ELF3: variants seen among roughly 807,000 people sequenced by gnomAD.
The protein encoded by ELF3 is E74 like ETS transcription factor 3.
ELF3 carries 18 observed loss-of-function variants against 43.9 expected under a neutral mutation model. The observed-to-expected ratio is 0.41, with a 90% CI of 0.28 to 0.61. ELF3 has a LOEUF of 0.61. Among genes scored for constraint, ELF3 ranks in the 20% least tolerant of loss-of-function variants. ELF3 has a pLI of 0.30. For missense variants in ELF3, 373 were observed against 487.7 expected, an observed-to-expected ratio of 0.76 and a Z score of 2.21; for synonymous variants, 181 against 190.2, an observed-to-expected ratio of 0.95 and a Z score of 0.40.
chr1:202,013,371 A>T lies in ELF3; in HGVS notation c.805+73A>T. 4.1e-6 allele frequency: 6 copies of T among 1,476,508 alleles called. No individual in the cohort carries two copies. Among genetic ancestry groups the T allele is most frequent in the Non-Finnish European group, 5.6e-6 (6 of 1,068,336 alleles). The allele number at this position is 1,476,508 out of a possible 1,614,324, so 91.5% of individuals were successfully genotyped here. ...TTCCTGGGGCACTGCGGGTTGTTGC[A>T]GGTATCCCTTCTCCCGTTTTCTCTG... On this transcript the variant is annotated intron_variant, in intron 7 of 8. Coordinates refer to ENST00000367284, the MANE Select transcript of ELF3 (RefSeq NM_004433.5). This position sits in a 1 kb window ranked among gnomAD's most constrained non-coding sequence, Gnocchi z 5.7.
chr1:202,015,350 C>G lies in ELF3; in HGVS notation c.*27C>G. 6.2e-7 allele frequency: 1 copy of G among 1,611,562 alleles called. No homozygotes were observed. Among genetic ancestry groups the G allele is most frequent in the Non-Finnish European group, 8.5e-7 (1 of 1,178,378 alleles). ...GGTTGGAACTATACCCGGGACCAAA[C>G]TCACGGACCACTCGAGGCCTGCAAA... On this transcript the variant is annotated 3_prime_UTR_variant, in exon 9 of 9. Coordinates refer to ENST00000367284, the MANE Select transcript of ELF3 (RefSeq NM_004433.5).
Position 202,010,859 on chromosome 1 carries a change from C to T in ELF3, c.-9+153C>T. On this transcript the variant is annotated intron_variant, in intron 1 of 8. Transcript: ENST00000367284. This position sits in a 1 kb window ranked among gnomAD's most constrained non-coding sequence, Gnocchi z 4.3. ...GGGTCAAAGAACAGAGAGAGATTGT[C>T]TCTGGGAAGGCAGAATGGCCATGAC... The T allele has an allele frequency of 2.2e-6, 1 of 446,836 alleles. No individual in the cohort carries two copies. Among genetic ancestry groups the T allele is most frequent in the Non-Finnish European group, 4.0e-6 (1 of 247,136 alleles). The allele number at this position is 446,836 out of a possible 1,614,324, so 27.7% of individuals were successfully genotyped here. A position where few individuals can be genotyped will look rare whatever the true frequency, so the allele number is the denominator to read the frequency against.
In ELF3 at chr1:202,012,665, G is replaced by A. The variant is rs145259274; in HGVS notation, c.504G>A (p.Glu168=). 23 of 1,608,520 alleles carry A rather than the reference G, an allele frequency of 1.4e-5. No homozygotes were observed. The highest frequency in any genetic ancestry group is 3.3e-5 in the South Asian group (3 of 90,476). Residue 168 remains glutamate (E), a synonymous_variant, in exon 5 of 9, where the codon GAG becomes GAA. Transcript: ENST00000367284. This position sits in a 1 kb window ranked among gnomAD's most constrained non-coding sequence, Gnocchi z 4.2. ...PFDQGSPFAQ[E]LLDDGQQASP... is the part of the protein sequence containing the mutation. ...ACCAGGGCAGCCCCTTTGCCCAGGA[G>A]CTGCTGGACGACGGTCAGCAAGCCA...
In ELF3 at chr1:202,010,620, C is replaced by A. The variant is rs948137380; in HGVS notation, c.-95C>A. 1.3e-5 allele frequency: 2 copies of A among 157,390 alleles called. No homozygotes were observed. Among genetic ancestry groups the A allele is most frequent in the Non-Finnish European group, 1.4e-5 (1 of 71,088 alleles). 9.7% of individuals were successfully genotyped at this position (157,390 alleles called of 1,614,324 possible). Reference sequence around the variant, plus strand: ...TTTAGAGCCGGGTAGGGGAGCGCAGCGGCCAGATACCTCAGCGCTACCTGG... The same window carrying A: ...TTTAGAGCCGGGTAGGGGAGCGCAGAGGCCAGATACCTCAGCGCTACCTGG... On this transcript the variant is annotated 5_prime_UTR_variant, in exon 1 of 9. Coordinates refer to ENST00000367284, the MANE Select transcript of ELF3 (RefSeq NM_004433.5). The surrounding 1 kb of genome is among the most constrained non-coding windows in gnomAD (Gnocchi z 4.3).
Position 202,013,353 on chromosome 1 carries a change from G to A in ELF3, c.805+55G>A, listed in dbSNP as rs1684251114. 5 of 1,558,764 alleles carry A rather than the reference G, an allele frequency of 3.2e-6. No homozygotes were observed. The highest frequency in any genetic ancestry group is 3.5e-5 in the Admixed American group (2 of 57,382). On this transcript the variant is annotated intron_variant, in intron 7 of 8. Transcript: ENST00000367284. The surrounding 1 kb of genome is among the most constrained non-coding windows in gnomAD (Gnocchi z 5.7). ...TGCGCCGGGCTGAGCGGCTTCCTGGGGCACTGCGGGTTGTTGCAGGTATCC... is the reference window on the plus strand; with the variant it reads ...TGCGCCGGGCTGAGCGGCTTCCTGGAGCACTGCGGGTTGTTGCAGGTATCC...
At position 202,015,739 on chromosome 1, in the gene ELF3, G is replaced by A. The variant is rs41305082; in HGVS notation, c.*416G>A. The A allele has an allele frequency of 5.1e-5, 10 of 197,768 alleles. No homozygotes were observed. The highest frequency in any genetic ancestry group is 9.6e-5 in the Non-Finnish European group (9 of 93,898). 12.3% of individuals were successfully genotyped at this position (197,768 alleles called of 1,614,324 possible). A position where few individuals can be genotyped will look rare whatever the true frequency, so the allele number is the denominator to read the frequency against. ...GCTCCAGCACCTTCTTTCTGGACTG[G>A]CGTTCACCTCCCTGCTCAGTGCTTG... is the stretch of plus-strand genomic sequence containing the variant. On this transcript the variant is annotated 3_prime_UTR_variant, in exon 9 of 9. Coordinates refer to ENST00000367284, the MANE Select transcript of ELF3 (RefSeq NM_004433.5).
rs193156246 is a variant in ELF3, at chr1:202,014,045, C to T, written c.1001+21C>T. The stretch of plus-strand genomic sequence containing the variant: ...ATGAGGTGAGCTGGCGGCCAGGACC[C>T]TCACGATACAGCCGGACATGGGGAC... On this transcript the variant is annotated intron_variant, in intron 8 of 8. Transcript: ENST00000367284. The T allele has an allele frequency of 2.2e-4, 357 of 1,595,334 alleles. 2 individuals are homozygous for T. In the Middle Eastern group the frequency reaches 2.5e-3, roughly 11 times the overall value.
In ELF3 at chr1:202,013,297, C is replaced by T. The variant is rs762437681; in HGVS notation, c.804C>T (p.His268=). Residue 268 remains histidine, a splice_region_variant and synonymous_variant, in exon 7 of 9, where the codon CAC becomes CAT. Coordinates refer to ENST00000367284, the MANE Select transcript of ELF3 (RefSeq NM_004433.5). This position sits in a 1 kb window ranked among gnomAD's most constrained non-coding sequence, Gnocchi z 5.7. Reference sequence around the variant, plus strand: ...GTCTCGAGGGCAAGAAGAGCAAGCACGGTGAGCTCCGGGGGCACGTGGGTC... The same window carrying T: ...GTCTCGAGGGCAAGAAGAGCAAGCATGGTGAGCTCCGGGGGCACGTGGGTC... ...WDCLEGKKSK[H]APRGTHLWEF... 9.3e-6 allele frequency: 15 copies of T among 1,613,136 alleles called. No individual in the cohort carries two copies. The East Asian group carries it at 1.1e-4, about 12-fold the overall frequency.
chr1:202,012,915 G>C lies in ELF3; in HGVS notation c.599-32G>C, dbSNP rs557061053. The stretch of plus-strand genomic sequence containing the variant: ...AGCGTGGTTGAGCAGAGGGTGGGCC[G>C]GCAGGGGACTTACTCTGACCCCGCC... On this transcript the variant is annotated intron_variant, in intron 5 of 8. Transcript: ENST00000367284. The surrounding 1 kb of genome is among the most constrained non-coding windows in gnomAD (Gnocchi z 4.2). 3.1e-6 allele frequency: 5 copies of C among 1,588,548 alleles called. No homozygotes were observed. Among genetic ancestry groups the C allele is most frequent in the Middle Eastern group, 1.8e-4 (1 of 5,638 alleles).
At position 202,012,223 on chromosome 1, in the gene ELF3, A is replaced by G. The variant is rs371648654; in HGVS notation, c.385+45A>G. The G allele has an allele frequency of 9.3e-5, 149 of 1,607,124 alleles. No individual in the cohort carries two copies. Among genetic ancestry groups the G allele is most frequent in the Middle Eastern group, 3.8e-4 (2 of 5,274 alleles). ...GGCTGGGGAGCAGCTCCACATGTTG[A>G]GCTGAGTCGAGTTCAGTGTGGCCGT... On this transcript the variant is annotated intron_variant, in intron 3 of 8. Transcript: ENST00000367284. This position sits in a 1 kb window ranked among gnomAD's most constrained non-coding sequence, Gnocchi z 4.2.
chr1:202,013,781 G>A lies in ELF3; in HGVS notation c.806-48G>A, dbSNP rs1421137629. 10 of 1,571,320 alleles carry A rather than the reference G, an allele frequency of 6.4e-6. No individual in the cohort carries two copies. The highest frequency in any genetic ancestry group is 1.4e-5 in the African/African-American group (1 of 74,032). On this transcript the variant is annotated intron_variant, in intron 7 of 8. Transcript: ENST00000367284. The surrounding 1 kb of genome is among the most constrained non-coding windows in gnomAD (Gnocchi z 5.7). ...GGCGGGCAGGGCTGGCTGGCCTTGG[G>A]TGAGAGGGGACACCTGGATGGCAAA...
In ELF3 at chr1:202,012,095, C is replaced by T; in HGVS notation, c.302C>T (p.Thr101Ile). The T allele has an allele frequency of 6.2e-7, 1 of 1,614,166 alleles. No homozygotes were observed. The highest frequency in any genetic ancestry group is 8.5e-7 in the Non-Finnish European group (1 of 1,180,046). Residue 101 changes from threonine (T) to isoleucine (I), a missense_variant, in exon 3 of 9, where the codon ACC (threonine) becomes ATC (isoleucine). Around this residue, in one of 3 missense-constraint regions of ELF3, gnomAD observed 311 missense variants for 351.2 expected, o/e 0.89. Transcript: ENST00000367284. The surrounding 1 kb of genome is among the most constrained non-coding windows in gnomAD (Gnocchi z 4.2). The stretch of plus-strand genomic sequence containing the variant: ...TCACGATGTGACATGGATGGCGCCA[C>T]CCTCTGCAATTGTGCCCTTGAGGAG... Reference protein sequence around the residue: ...DFSRCDMDGATLCNCALEELR... With the variant: ...DFSRCDMDGAILCNCALEELR...
chr1:202,014,172 A>G (rs2102994234), intron 8 of ELF3, 148 bp downstream of exon 8: 1 of 933,356 alleles, frequency 1.1e-6, no homozygotes, highest in African/African-American at 1.7e-5. Context: ...GGTCTACTTC[A>G]TGGATTAAAT....
chr1:202,010,845 C>T lies in ELF3; in HGVS notation c.-9+139C>T. Reference sequence around the variant, plus strand: ...CGTAGGTGTCCTGAGGGTCAAAGAACAGAGAGAGATTGTCTCTGGGAAGGC... The same window carrying T: ...CGTAGGTGTCCTGAGGGTCAAAGAATAGAGAGAGATTGTCTCTGGGAAGGC... On this transcript the variant is annotated intron_variant, in intron 1 of 8. Coordinates refer to ENST00000367284, the MANE Select transcript of ELF3 (RefSeq NM_004433.5). The surrounding 1 kb of genome is among the most constrained non-coding windows in gnomAD (Gnocchi z 4.3). 2.4e-6 allele frequency: 1 copy of T among 409,376 alleles called. No homozygotes were observed. The highest frequency in any genetic ancestry group is 2.6e-5 in the South Asian group (1 of 39,040). 25.4% of individuals were successfully genotyped at this position (409,376 alleles called of 1,614,324 possible). A position where few individuals can be genotyped will look rare whatever the true frequency, so the allele number is the denominator to read the frequency against.
At position 202,013,330 on chromosome 1, in the gene ELF3, C is replaced by A. The variant is rs767386309; in HGVS notation, c.805+32C>A. ...TCCGGGGGCACGTGGGTCCTCCCTG[C>A]GCCGGGCTGAGCGGCTTCCTGGGGC... On this transcript the variant is annotated intron_variant, in intron 7 of 8. Transcript: ENST00000367284. The surrounding 1 kb of genome is among the most constrained non-coding windows in gnomAD (Gnocchi z 5.7). The A allele has an allele frequency of 1.2e-6, 2 of 1,601,342 alleles. No individual in the cohort carries two copies. Among genetic ancestry groups the A allele is most frequent in the African/African-American group, 1.3e-5 (1 of 74,644 alleles).
Position 202,012,703 on chromosome 1 carries a change from C to G in ELF3, c.542C>G (p.Pro181Arg), listed in dbSNP as rs767015572. The part of the protein sequence containing the change: ...DDGQQASPYH[P>R]GSCGAGAPSP... The stretch of plus-strand genomic sequence containing the variant: ...GGTCAGCAAGCCAGCCCCTACCACC[C>G]CGGCAGCTGTGGCGCAGGAGCCCCC... Residue 181 changes from proline to arginine, a missense_variant, in exon 5 of 9, where the codon CCC becomes CGC. Physicochemically the swap from Pro to Arg is moderately radical, Grantham distance 103 (BLOSUM62 -2). Around this residue, in one of 3 missense-constraint regions of ELF3, gnomAD observed 311 missense variants for 351.2 expected, o/e 0.89. Transcript: ENST00000367284. This position sits in a 1 kb window ranked among gnomAD's most constrained non-coding sequence, Gnocchi z 4.2. The G allele has an allele frequency of 1.2e-6, 2 of 1,608,230 alleles. No homozygotes were observed. The highest frequency in any genetic ancestry group is 2.2e-5 in the South Asian group (2 of 90,548).
Position 202,012,779 on chromosome 1 carries a change from C to T in ELF3, c.598+20C>T, listed in dbSNP as rs1267169717. On this transcript the variant is annotated intron_variant, in intron 5 of 8. Coordinates refer to ENST00000367284, the MANE Select transcript of ELF3 (RefSeq NM_004433.5). This position sits in a 1 kb window ranked among gnomAD's most constrained non-coding sequence, Gnocchi z 4.2. Reference sequence around the variant, plus strand: ...CCGCAGGTGAGAGCTCTCTCTGGGCCACAACCTCCCTTCCCCGAAGTGTCC... The same window carrying T: ...CCGCAGGTGAGAGCTCTCTCTGGGCTACAACCTCCCTTCCCCGAAGTGTCC... 1.9e-6 allele frequency: 3 copies of T among 1,542,022 alleles called. No individual in the cohort carries two copies. Among genetic ancestry groups the T allele is most frequent in the African/African-American group, 2.7e-5 (2 of 72,840 alleles).
At position 202,013,112 on chromosome 1, in the gene ELF3, T is replaced by C. The variant is rs1684244220; in HGVS notation, c.689-70T>C. The stretch of plus-strand genomic sequence containing the variant: ...GGGCCCGGCTCTTCCTGCAGCCTTT[T>C]CCTGTAGAGGGGCTACTCTCCCTAA... On this transcript the variant is annotated intron_variant, in intron 6 of 8. Transcript: ENST00000367284. The surrounding 1 kb of genome is among the most constrained non-coding windows in gnomAD (Gnocchi z 5.7). 2.5e-6 allele frequency: 4 copies of C among 1,602,376 alleles called. No homozygotes were observed. The highest frequency in any genetic ancestry group is 1.7e-5 in the Admixed American group (1 of 59,032).
At position 202,016,852 on chromosome 1, in the gene ELF3, A is replaced by G. The variant is rs753160200; in HGVS notation, c.*1529A>G. ...CAGCGTCCCCATTTGACAGATGCAGAAAGAGGTTCCACAGGTGTGCCTTGA... is the reference window on the plus strand; with the variant it reads ...CAGCGTCCCCATTTGACAGATGCAGGAAGAGGTTCCACAGGTGTGCCTTGA... On this transcript the variant is annotated 3_prime_UTR_variant, in exon 9 of 9. Transcript: ENST00000367284. 6.6e-6 allele frequency: 1 copy of G among 152,172 alleles called. No individual in the cohort carries two copies. Among genetic ancestry groups the G allele is most frequent in the Non-Finnish European group, 1.5e-5 (1 of 68,038 alleles). The allele number at this position is 152,172 out of a possible 1,614,324, so 9.4% of individuals were successfully genotyped here. A position where few individuals can be genotyped will look rare whatever the true frequency, so the allele number is the denominator to read the frequency against.
Sources: allele counts gnomAD v4.1 joint callset, GRCh38; gene constraint gnomAD v4.1.1; regional missense constraint gnomAD v4.1.1; non-coding constraint Gnocchi (gnomAD v3.1); transcripts MANE v1.5; gene names NCBI Gene and HGNC (gene_info 2026-07-23, HGNC 2026-07-21).